The following MAML3 variants were observed in gnomAD, a reference collection of about 807,000 sequenced individuals.
The protein encoded by MAML3 is mastermind-like protein 3.
In MAML3, 27 loss-of-function variants were observed where a neutral mutation model predicts 101.9. The observed-to-expected ratio is 0.27, with a 90% confidence interval of 0.20 to 0.37. The LOEUF (loss-of-function observed/expected upper bound fraction) is 0.37. Ranked by LOEUF, MAML3 falls within the 10% of genes least tolerant of loss-of-function variation. MAML3 has a pLI of 1.00. For missense variants in MAML3, 1,316 were observed against 1,444.9 expected, an observed-to-expected ratio of 0.91 and a Z score of 1.45; for synonymous variants, 501 against 555.9, an observed-to-expected ratio of 0.90 and a Z score of 1.39.
chr4:139,781,150 T>C (rs1312864328), intron 2 of MAML3, among the ~76,000 whole-genome samples: 1 of 152,202 alleles, frequency 6.6e-6, no homozygotes, highest in Non-Finnish European at 1.5e-5. Flanking sequence ...ATTTTTAATT[T>C]ATTTACCACC....
chr4:139,752,381 C>T (rs1169494030), intron 2 of MAML3, among the ~76,000 whole-genome samples: 2 of 152,174 alleles, frequency 1.3e-5, no homozygotes, highest in African/African-American at 2.4e-5. Context: ...ATACAACCAC[C>T]AGGTCTAGCA....
intron 1 of MAML3, among the ~76,000 whole-genome samples, chr4:140,009,874 G>A (rs1726518741): frequency 6.6e-6 from 1 of 152,196 alleles, no homozygotes; most frequent in Admixed American, 6.5e-5. Flanking sequence ...GGGATAGAAT[G>A]TATCTTCTCA....
chr4:140,128,452 A>T (rs1187580381), intron 1 of MAML3, among the ~76,000 whole-genome samples: 1 of 152,062 alleles, frequency 6.6e-6, no homozygotes, highest in East Asian at 1.9e-4. Flanking sequence ...ACCCAGCAGC[A>T]CCCCTGCCTT....
chr4:139,753,510 T>C (rs1006369912), intron 2 of MAML3, among the ~76,000 whole-genome samples: 6 of 152,292 alleles, frequency 3.9e-5, no homozygotes, highest in African/African-American at 1.4e-4. Context: ...TTTCAGAGGC[T>C]GGTAGGAGAA....
chr4:140,131,118 G>A (rs1728786526), intron 1 of MAML3, among the ~76,000 whole-genome samples: 1 of 152,150 alleles, frequency 6.6e-6, no homozygotes, highest in South Asian at 2.1e-4. Flanking sequence ...AGTCATTTCA[G>A]TGAAGGTCAA....
intron 4 of MAML3, among the ~76,000 whole-genome samples, chr4:139,722,357 G>T (rs56110847): frequency 0.075 from 11,349 of 152,150 alleles, 1,222 homozygotes; most frequent in African/African-American, 0.24. Flanking sequence ...CTAGTTTTAT[G>T]CCTTCCGTGA....
At chr4:139,976,688 A>G (rs1473684637) in intron 1 of MAML3, among the ~76,000 whole-genome samples, 1 of 152,200 alleles carries the variant, frequency 6.6e-6, no homozygotes, top group Non-Finnish European at 1.5e-5. Context: ...TGCAAATTCA[A>G]ATTTTACTAT....
intron 1 of MAML3, among the ~76,000 whole-genome samples, chr4:140,112,856 G>A (rs564277362): frequency 1.3e-5 from 2 of 152,328 alleles, no homozygotes; most frequent in East Asian, 3.9e-4. Context: ...ATCTATGAGA[G>A]AGAAAATATT....
In MAML3 at chr4:139,785,263, A is replaced by G. The variant is rs758320053; in HGVS notation, c.2080-54596T>C. On this transcript the variant is annotated intron_variant, in intron 2 of 4. Coordinates refer to ENST00000509479, the MANE Select transcript of MAML3 (RefSeq NM_018717.5). The surrounding 1 kb of genome is among the most constrained non-coding windows in gnomAD (Gnocchi z 4.3). ...CACGGTGCCGGATCCTGATACCAAG[A>G]CCGAGGACATGGATGGGGTTTTGCT... Among the ~76,000 whole-genome samples the G allele has an allele frequency of 8.5e-5, 13 of 152,126 alleles. No homozygotes were observed. The highest frequency in any genetic ancestry group is 1.9e-4 in the Non-Finnish European group (13 of 68,022).
chr4:140,079,192 A>G lies in MAML3; in HGVS notation c.468+73668T>C, dbSNP rs571713541. Among the ~76,000 whole-genome samples the G allele has an allele frequency of 3.3e-5, 5 of 152,314 alleles. No individual in the cohort carries two copies. The East Asian group carries it at 9.6e-4, about 29-fold the overall frequency. Reference sequence around the variant, plus strand: ...GCCATGATAGTCAACCGACTTTTTAAAAAAGGAATTTTAAATTAGGGAAAA... The same window carrying G: ...GCCATGATAGTCAACCGACTTTTTAGAAAAGGAATTTTAAATTAGGGAAAA... On this transcript the variant is annotated intron_variant, in intron 1 of 4. Transcript: ENST00000509479.
At chr4:140,144,043 G>A (rs1036089924) in intron 1 of MAML3, among the ~76,000 whole-genome samples, 2 of 152,008 alleles carry the variant, frequency 1.3e-5, no homozygotes, top group African/African-American at 4.8e-5. Flanking sequence ...TTTAAAGCAG[G>A]GCCCCTCACC....
intron 1 of MAML3, among the ~76,000 whole-genome samples, chr4:139,989,092 T>C (rs895403917): frequency 4.6e-5 from 7 of 152,236 alleles, no homozygotes; most frequent in African/African-American, 1.4e-4. Context: ...TTCTCGACGA[T>C]TTATAAACTC....
chr4:139,869,032 G>C (rs1256588157), intron 2 of MAML3, among the ~76,000 whole-genome samples: 2 of 152,204 alleles, frequency 1.3e-5, no homozygotes, highest in Non-Finnish European at 2.9e-5. Flanking sequence ...AGAAATGGGT[G>C]GGGCACTCAA....
chr4:139,872,931 A>T (rs1578640769), intron 2 of MAML3, among the ~76,000 whole-genome samples: 1 of 152,150 alleles, frequency 6.6e-6, no homozygotes, highest in South Asian at 2.1e-4. Flanking sequence ...TATTAAAAAA[A>T]TTAGCCGGGC....
chr4:140,041,363 T>C (rs1423858364), intron 1 of MAML3, among the ~76,000 whole-genome samples: 1 of 152,020 alleles, frequency 6.6e-6, no homozygotes, highest in Non-Finnish European at 1.5e-5. Context: ...GTGGCTCACC[T>C]CTGTAATACC....
At chr4:139,733,486 C>T (rs922938272) in intron 2 of MAML3, among the ~76,000 whole-genome samples, 2 of 148,704 alleles carry the variant, frequency 1.3e-5, no homozygotes, top group African/African-American at 5.0e-5. Flanking sequence ...AATGGGGTGA[C>T]GACGATACAT....
chr4:139,930,340 G>A (rs1020663110), intron 1 of MAML3, among the ~76,000 whole-genome samples: 4 of 152,118 alleles, frequency 2.6e-5, no homozygotes, highest in Non-Finnish European at 5.9e-5. Context: ...TGTGAGCAGA[G>A]TTCACAAAGG....
chr4:139,882,661 C>T (rs1318302565), intron 2 of MAML3, among the ~76,000 whole-genome samples: 1 of 152,048 alleles, frequency 6.6e-6, no homozygotes, highest in African/African-American at 2.4e-5. Context: ...CCATCCTGGC[C>T]AATATGGTGA....
chr4:140,050,824 C>T (rs559808310), intron 1 of MAML3, among the ~76,000 whole-genome samples: 1 of 152,242 alleles, frequency 6.6e-6, no homozygotes, highest in South Asian at 2.1e-4. Flanking sequence ...GAATCGCTAC[C>T]TTGAAATTAC....
Sources: allele counts gnomAD v4.1 joint callset (sites outside exome capture counted in the v4.1 genomes callset), GRCh38; gene constraint gnomAD v4.1.1; non-coding constraint Gnocchi (gnomAD v3.1); transcripts MANE v1.5; gene names NCBI Gene and HGNC (gene_info 2026-07-23, HGNC 2026-07-21).